The following RABGAP1L variants were observed in gnomAD, a reference collection of about 807,000 sequenced individuals.
RABGAP1L encodes the protein RAB GTPase activating protein 1 like.
Under a neutral mutation model 137.7 loss-of-function variants are expected in RABGAP1L, and 63 were observed. The ratio of observed to expected loss-of-function variants is 0.46; its 90% CI spans 0.37 to 0.56. RABGAP1L has a LOEUF of 0.56. Among genes scored for constraint, RABGAP1L ranks in the 20% least tolerant of loss-of-function variants. RABGAP1L has a pLI of 0.00. For missense variants in RABGAP1L, 1,095 were observed against 1,244.0 expected (o/e 0.88, Z 1.80); for synonymous variants, 431 against 433.7 (o/e 0.99, Z 0.08).
chr1:174,977,226 T>C (rs1298575716), intron 22 of RABGAP1L, among the ~76,000 whole-genome samples: 6 of 152,238 alleles, frequency 3.9e-5, no homozygotes, highest in Non-Finnish European at 8.8e-5. Flanking sequence ...CATGGTTTCT[T>C]TTTCCTTGGA....
At chr1:174,371,525 C>A (rs984493830) in intron 12 of RABGAP1L, among the ~76,000 whole-genome samples, 149 of 152,068 alleles carry the variant, frequency 9.8e-4, no homozygotes, top group African/African-American at 3.3e-3. Flanking sequence ...TTCATTCTTT[C>A]TGACTAAAAG....
At chr1:174,807,545 C>T (rs1689431698) in intron 18 of RABGAP1L, among the ~76,000 whole-genome samples, 1 of 152,108 alleles carries the variant, frequency 6.6e-6, no homozygotes, top group African/African-American at 2.4e-5. Context: ...CTGCTTATGG[C>T]ATTACAAAGG....
At chr1:174,349,583 G>A (rs1183705213) in intron 11 of RABGAP1L, among the ~76,000 whole-genome samples, 19 of 141,972 alleles carry the variant, frequency 1.3e-4, no homozygotes, top group Non-Finnish European at 2.7e-4. Context: ...CGGGCAGGGG[G>A]GCTGACCCCC....
At chr1:174,298,738 G>A (rs1677371328) in intron 10 of RABGAP1L, among the ~76,000 whole-genome samples, 1 of 152,162 alleles carries the variant, frequency 6.6e-6, no homozygotes, top group Non-Finnish European at 1.5e-5. Context: ...GGTACATGGT[G>A]CCTGGCTTTG....
At chr1:174,380,166 G>T (rs1278342914) in intron 12 of RABGAP1L, among the ~76,000 whole-genome samples, 1 of 151,488 alleles carries the variant, frequency 6.6e-6, no homozygotes, top group African/African-American at 2.4e-5. Flanking sequence ...TAAGCTTTTT[G>T]ATGTGCTGCT....
At chr1:174,548,308 T>C in intron 13 of RABGAP1L, 1 of 1,232,928 alleles carries the variant, frequency 8.1e-7, no homozygotes, top group Middle Eastern at 3.2e-4. Flanking sequence ...CCTCTTAATT[T>C]ATCCATTTGT....
intron 14 of RABGAP1L, among the ~76,000 whole-genome samples, chr1:174,662,600 G>T (rs908698427): frequency 8.6e-5 from 13 of 151,922 alleles, no homozygotes; most frequent in African/African-American, 3.1e-4. Context: ...CACCATGTTG[G>T]CCAGGCTGGT....
chr1:174,248,552 A>C (rs1449140534), intron 5 of RABGAP1L, among the ~76,000 whole-genome samples: 2 of 152,166 alleles, frequency 1.3e-5, no homozygotes, highest in Non-Finnish European at 2.9e-5. Context: ...ATTTCTGTAT[A>C]GTTGTTAAAA....
chr1:174,873,554 C>T (rs190642808), intron 19 of RABGAP1L, among the ~76,000 whole-genome samples: 1 of 150,948 alleles, frequency 6.6e-6, no homozygotes, highest in East Asian at 2.0e-4. Context: ...CCCTCTGTCG[C>T]CCAGGCTGGA....
At chr1:174,639,336 C>T (rs1420957915) in intron 14 of RABGAP1L, among the ~76,000 whole-genome samples, 1 of 152,000 alleles carries the variant, frequency 6.6e-6, no homozygotes, top group African/African-American at 2.4e-5. Flanking sequence ...ATATCATCTA[C>T]TTTGAAAAGT....
chr1:174,751,370 A>G (rs769991464), intron 17 of RABGAP1L, among the ~76,000 whole-genome samples: 1 of 152,222 alleles, frequency 6.6e-6, no homozygotes, highest in African/African-American at 2.4e-5. Context: ...TTTGGATAGC[A>G]CATTTGGTAT....
intron 4 of RABGAP1L, among the ~76,000 whole-genome samples, chr1:174,240,007 C>G (rs1671656133): frequency 6.6e-6 from 1 of 152,192 alleles, no homozygotes; most frequent in Non-Finnish European, 1.5e-5. Flanking sequence ...ATGTTATCGT[C>G]TAAAAATGTC....
chr1:174,579,244 G>C (rs1668574850), intron 13 of RABGAP1L, among the ~76,000 whole-genome samples: 1 of 152,126 alleles, frequency 6.6e-6, no homozygotes, highest in African/African-American at 2.4e-5. Context: ...GTTGGATAGG[G>C]TCAGAGAGTT....
At chr1:174,712,912 G>C (rs1680683268) in intron 17 of RABGAP1L, among the ~76,000 whole-genome samples, 1 of 152,162 alleles carries the variant, frequency 6.6e-6, no homozygotes. Flanking sequence ...AGCCGCTTGT[G>C]TCTGTGCCCC....
At chr1:174,313,209 C>G (rs1679029876) in intron 11 of RABGAP1L, among the ~76,000 whole-genome samples, 1 of 152,082 alleles carries the variant, frequency 6.6e-6, no homozygotes, top group African/African-American at 2.4e-5. Flanking sequence ...CAGGCATGAG[C>G]CACCACCACA....
chr1:174,276,644 A>C (rs1675029408), intron 9 of RABGAP1L, among the ~76,000 whole-genome samples: 2 of 152,122 alleles, frequency 1.3e-5, no homozygotes, highest in Admixed American at 6.6e-5. Flanking sequence ...TTCATTTATT[A>C]ATTATTGGCT....
intron 12 of RABGAP1L, among the ~76,000 whole-genome samples, chr1:174,388,900 T>C (rs1433542052): frequency 6.6e-6 from 1 of 152,090 alleles, no homozygotes; most frequent in Non-Finnish European, 1.5e-5. Context: ...AATTGGTACA[T>C]AGCCACCTAC....
At chr1:174,173,658 TCAA>T (rs1448943974) in intron 1 of RABGAP1L, among the ~76,000 whole-genome samples, 3 of 152,200 alleles carry the variant, frequency 2.0e-5, no homozygotes, top group South Asian at 2.1e-4. Flanking sequence ...CGTTTTTTTT[TCAA>T]CAAGTATTTA....
chr1:174,331,738 AC>A (rs1483629940), intron 11 of RABGAP1L, among the ~76,000 whole-genome samples: 88 of 152,232 alleles, frequency 5.8e-4, no homozygotes, highest in African/African-American at 2.0e-3. Context: ...CAGGTTTGTT[AC>A]ATATGTATAC....
Sources: gnomAD v4.1 joint callset for allele counts (sites outside exome capture counted in the v4.1 genomes callset) on GRCh38, gnomAD v4.1.1 for gene constraint, MANE v1.5 for transcripts, NCBI Gene and HGNC (gene_info 2026-07-23, HGNC 2026-07-21) for gene names.